The following EXOC5 variants were observed in gnomAD, a reference collection of about 807,000 sequenced individuals.
The protein encoded by EXOC5 is SEC10-like 1.
A neutral mutation model predicts 90.8 loss-of-function variants in EXOC5; 17 were observed. The ratio of observed to expected loss-of-function variants is 0.19; its 90% CI spans 0.13 to 0.28. The LOEUF (loss-of-function observed/expected upper bound fraction) is 0.28. EXOC5 is among the 10% of genes least tolerant of loss of function. EXOC5 has a pLI of 1.00. For missense variants in EXOC5, 569 were observed against 830.6 expected, an observed-to-expected ratio of 0.69 and a Z score of 3.87; for synonymous variants, 260 against 270.0, an observed-to-expected ratio of 0.96 and a Z score of 0.36.
chr14:57,227,129 A>C (rs1386283135), intron 12 of EXOC5, among the ~76,000 whole-genome samples: 1 of 152,202 alleles, frequency 6.6e-6, no homozygotes, highest in African/African-American at 2.4e-5. Context: ...TTAAAAATGC[A>C]CAAAAGATCT....
chr14:57,248,990 T>C (rs1884107470), intron 1 of EXOC5, among the ~76,000 whole-genome samples: 1 of 152,146 alleles, frequency 6.6e-6, no homozygotes, highest in African/African-American at 2.4e-5. Flanking sequence ...TGAACTTATA[T>C]TTAGAGCTAC....
intron 1 of EXOC5, among the ~76,000 whole-genome samples, chr14:57,255,992 C>T (rs571009561): frequency 1.1e-4 from 17 of 152,260 alleles, no homozygotes; most frequent in African/African-American, 4.1e-4. Context: ...TCATGACTCC[C>T]AGTTTGTGCT....
At chr14:57,226,595 AC>A (rs1883316095) in intron 12 of EXOC5, among the ~76,000 whole-genome samples, 1 of 152,174 alleles carries the variant, frequency 6.6e-6, no homozygotes, top group Non-Finnish European at 1.5e-5. Context: ...CCGATTCAAG[AC>A]TTATTATAAA....
intron 1 of EXOC5, among the ~76,000 whole-genome samples, chr14:57,264,904 C>T (rs1312098879): frequency 2.0e-5 from 3 of 152,086 alleles, no homozygotes; most frequent in African/African-American, 7.2e-5. Flanking sequence ...TTGATAAGGA[C>T]AAGTTCTATA....
intron 12 of EXOC5, among the ~76,000 whole-genome samples, chr14:57,227,397 T>C (rs150448749): frequency 0.013 from 1,971 of 152,318 alleles, 15 homozygotes; most frequent in Middle Eastern, 0.031. Context: ...TTTTCTACTG[T>C]ATGAAAAACA....
rs1884786512 is a variant in EXOC5 at position 57,268,765 on chromosome 14, T to G, written c.-117A>C. The G allele has an allele frequency of 6.8e-7, 1 of 1,460,530 alleles. No individual in the cohort carries two copies. Among genetic ancestry groups the G allele is most frequent in the Non-Finnish European group, 9.0e-7 (1 of 1,111,244 alleles). The allele number at this position is 1,460,530 out of a possible 1,614,324, so 90.5% of individuals were successfully genotyped here. A position where few individuals can be genotyped will look rare whatever the true frequency, so the allele number is the denominator to read the frequency against. On this transcript the variant is annotated 5_prime_UTR_variant, in exon 1 of 18. Coordinates refer to ENST00000621441, the MANE Select transcript of EXOC5 (RefSeq NM_006544.4). The stretch of plus-strand genomic sequence containing the variant: ...CTCGCCAGCTCCGGCTCCGGGCCGC[T>G]GCGGGCTCCCCAGCTCCCCACAGAT...
chr14:57,213,733 C>A (rs1223645278), intron 15 of EXOC5, among the ~76,000 whole-genome samples: 1 of 151,996 alleles, frequency 6.6e-6, no homozygotes, highest in African/African-American at 2.4e-5. Context: ...CTTTGGGAGG[C>A]TGAGGTGGGT....
At chr14:57,236,538 G>A (rs529223259) in intron 6 of EXOC5, among the ~76,000 whole-genome samples, 3 of 151,874 alleles carry the variant, frequency 2.0e-5, no homozygotes, top group South Asian at 2.1e-4. Flanking sequence ...CACCCGCCTC[G>A]GCCTCCCAAA....
chr14:57,234,344 T>A (rs1883584440), intron 7 of EXOC5, among the ~76,000 whole-genome samples: 1 of 151,420 alleles, frequency 6.6e-6, no homozygotes, highest in African/African-American at 2.4e-5. Flanking sequence ...CATCTAGCCA[T>A]CTCCTTCAAC....
At chr14:57,236,323 G>A (rs1224440219) in intron 6 of EXOC5, among the ~76,000 whole-genome samples, 3 of 134,532 alleles carry the variant, frequency 2.2e-5, no homozygotes, top group African/African-American at 8.7e-5. Context: ...GTTTCTCTGT[G>A]TCACCCAGTC....
At chr14:57,257,291 G>A (rs1476900926) in intron 1 of EXOC5, among the ~76,000 whole-genome samples, 1 of 152,208 alleles carries the variant, frequency 6.6e-6, no homozygotes, top group East Asian at 1.9e-4. Context: ...AGGGAGCAGT[G>A]AAACAAGAGT....
At position 57,203,354 on chromosome 14, in the gene EXOC5, CA is replaced by C. The variant is rs1194902363; in HGVS notation, c.*5254del. On this transcript the variant is annotated 3_prime_UTR_variant, in exon 18 of 18. Transcript: ENST00000621441. ...AGAGGCACCTGCCAATTTAAGATTA[CA>C]GGGGCATCAGGAAGGCTTCTCACCT... 1 of 152,222 alleles carries C rather than the reference CA, an allele frequency of 6.6e-6. No individual in the cohort carries two copies. The highest frequency in any genetic ancestry group is 1.5e-5 in the Non-Finnish European group (1 of 68,046). 9.4% of individuals were successfully genotyped at this position (152,222 alleles called of 1,614,324 possible).
At chr14:57,255,339 T>G (rs7147218) in intron 1 of EXOC5, among the ~76,000 whole-genome samples, 39,248 of 152,004 alleles carry the variant, frequency 0.26, 12,399 homozygotes, top group African/African-American at 0.76. Flanking sequence ...TTGATAGAAG[T>G]AGAAACATTT....
At chr14:57,259,609 C>T (rs922934112) in intron 1 of EXOC5, among the ~76,000 whole-genome samples, 18 of 152,182 alleles carry the variant, frequency 1.2e-4, no homozygotes, top group Non-Finnish European at 2.4e-4. Context: ...CACTGCTATA[C>T]CATTATTCAA....
In EXOC5 at chr14:57,268,797, A is replaced by C; in HGVS notation, c.-149T>G. 2.1e-6 allele frequency: 3 copies of C among 1,406,880 alleles called. No homozygotes were observed. Among genetic ancestry groups the C allele is most frequent in the Non-Finnish European group, 2.8e-6 (3 of 1,087,816 alleles). The allele number at this position is 1,406,880 out of a possible 1,614,324, so 87.1% of individuals were successfully genotyped here. A position where few individuals can be genotyped will look rare whatever the true frequency, so the allele number is the denominator to read the frequency against. On this transcript the variant is annotated 5_prime_UTR_variant, in exon 1 of 18. Coordinates refer to ENST00000621441, the MANE Select transcript of EXOC5 (RefSeq NM_006544.4). ...TCCCCAGCTCCCCACAGATCCCAGG[A>C]GGGGCGGGAGAGCGGCCATGAAGCG...
chr14:57,215,597 C>T (rs1284909568), intron 15 of EXOC5, among the ~76,000 whole-genome samples: 4 of 149,852 alleles, frequency 2.7e-5, no homozygotes, highest in African/African-American at 9.9e-5. Flanking sequence ...AAAAAAAAAA[C>T]GCTTCTGGTA....
chr14:57,235,304 C>T (rs1490685380), intron 7 of EXOC5, among the ~76,000 whole-genome samples: 1 of 152,004 alleles, frequency 6.6e-6, no homozygotes, highest in African/African-American at 2.4e-5. Context: ...TCCTGAGGTC[C>T]CCTGGATTTA....
chr14:57,210,757 T>C (rs1312757998), intron 15 of EXOC5, among the ~76,000 whole-genome samples: 1 of 151,960 alleles, frequency 6.6e-6, no homozygotes, highest in African/African-American at 2.4e-5. Flanking sequence ...TACTTAACAG[T>C]AAAAAAGATG....
chr14:57,201,048 T>TA lies in EXOC5; in HGVS notation c.*7560_*7561insT, dbSNP rs1003652020. ...TATTTAAAATATGCGTGAGTGTGTG[T>TA]GTGTGTATGCACACATAAAGCCCCC... On this transcript the variant is annotated 3_prime_UTR_variant, in exon 18 of 18. Transcript: ENST00000621441. The TA allele has an allele frequency of 5.3e-5, 8 of 152,144 alleles. No homozygotes were observed. The highest frequency in any genetic ancestry group is 1.0e-4 in the Non-Finnish European group (7 of 68,044). 9.4% of individuals were successfully genotyped at this position (152,144 alleles called of 1,614,324 possible).
Sources: allele counts gnomAD v4.1 joint callset (sites outside exome capture counted in the v4.1 genomes callset), GRCh38; gene constraint gnomAD v4.1.1; transcripts MANE v1.5; gene names NCBI Gene and HGNC (gene_info 2026-07-23, HGNC 2026-07-21).